The following CDH2 variants were observed in gnomAD, a reference collection of about 807,000 sequenced individuals.
The protein encoded by CDH2 is cadherin 2, also known as cadherin-2.
CDH2 carries 17 observed loss-of-function variants against 92.0 expected under a neutral mutation model. That is an observed-to-expected ratio of 0.18 (90% CI 0.13 to 0.28). The LOEUF (loss-of-function observed/expected upper bound fraction) is 0.28. Ranked by LOEUF, CDH2 falls within the 10% of genes least tolerant of loss-of-function variation. CDH2 has a pLI of 1.00. For missense variants in CDH2, 862 were observed against 1,133.1 expected, an observed-to-expected ratio of 0.76 and a Z score of 3.44; for synonymous variants, 419 against 415.9, an observed-to-expected ratio of 1.01 and a Z score of -0.09.
At chr18:28,159,597 G>A (rs1376548078) in intron 1 of CDH2, among the ~76,000 whole-genome samples, 1 of 151,948 alleles carries the variant, frequency 6.6e-6, no homozygotes, top group African/African-American at 2.4e-5. Flanking sequence ...AGTACTCATG[G>A]AGGAACTTGG....
chr18:28,043,491 T>TAA (rs1435952607), intron 2 of CDH2, among the ~76,000 whole-genome samples: 3 of 72,294 alleles, frequency 4.1e-5, no homozygotes, highest in South Asian at 1.2e-3. Context: ...TATATATATA[T>TAA]ATAAATATAT....
At chr18:27,985,375 G>T in intron 12 of CDH2, 142 bp from the exon 13 acceptor site, 2 of 758,746 alleles carry the variant, frequency 2.6e-6, no homozygotes, top group South Asian at 1.9e-5. Context: ...ATACTTTTTT[G>T]GCCGTAAAGG....
chr18:27,987,798 T>C (rs571202629), intron 11 of CDH2, among the ~76,000 whole-genome samples: 3 of 152,212 alleles, frequency 2.0e-5, no homozygotes, highest in African/African-American at 4.8e-5. Flanking sequence ...GAAACAGATA[T>C]ATTTAAAACC....
chr18:28,099,983 G>C (rs1046347495), intron 2 of CDH2, among the ~76,000 whole-genome samples: 1 of 151,972 alleles, frequency 6.6e-6, no homozygotes, highest in African/African-American at 2.4e-5. Context: ...ACTTAAGTTT[G>C]TTTAATTTCT....
chr18:27,985,854 C>A, intron 11 of CDH2, 93 bp from the exon 12 acceptor site: 1 of 748,098 alleles, frequency 1.3e-6, no homozygotes, highest in Non-Finnish European at 2.2e-6. Flanking sequence ...AACCTTCTGG[C>A]CCTTTTAACT....
intron 3 of CDH2, among the ~76,000 whole-genome samples, chr18:28,013,243 C>G (rs1170973672): frequency 6.6e-6 from 1 of 151,928 alleles, no homozygotes; most frequent in Non-Finnish European, 1.5e-5. Flanking sequence ...TAATTCATAC[C>G]CCCCAACTGG....
chr18:28,079,565 T>C (rs2144187063), intron 2 of CDH2, among the ~76,000 whole-genome samples: 1 of 152,330 alleles, frequency 6.6e-6, no homozygotes, highest in Admixed American at 6.5e-5. Context: ...CTTTGCAGGA[T>C]AAATTTATTT....
chr18:27,989,575 C>A (rs1303573795), intron 10 of CDH2, among the ~76,000 whole-genome samples: 1 of 152,122 alleles, frequency 6.6e-6, no homozygotes, highest in East Asian at 1.9e-4. Context: ...TGGCAACCAT[C>A]CACTCCCTCA....
At chr18:28,012,077 A>C in intron 3 of CDH2, 85 bp from the exon 4 acceptor site, 4 of 1,137,018 alleles carry the variant, frequency 3.5e-6, no homozygotes, top group Non-Finnish European at 5.0e-6. Context: ...ACCTGAAAGC[A>C]TAGGAATCAC....
chr18:28,031,761 T>A (rs568827692), intron 2 of CDH2, among the ~76,000 whole-genome samples: 1 of 152,234 alleles, frequency 6.6e-6, no homozygotes, highest in Admixed American at 6.5e-5. Context: ...AATAAGAGAT[T>A]AGGCTCATTT....
chr18:28,082,054 C>A (rs528422401), intron 2 of CDH2, among the ~76,000 whole-genome samples: 1 of 152,166 alleles, frequency 6.6e-6, no homozygotes, highest in African/African-American at 2.4e-5. Context: ...TACTGAGAAT[C>A]TTTTTGTGAA....
At chr18:28,054,952 T>A (rs1454494719) in intron 2 of CDH2, among the ~76,000 whole-genome samples, 1 of 152,176 alleles carries the variant, frequency 6.6e-6, no homozygotes, top group African/African-American at 2.4e-5. Flanking sequence ...TATAAAGAAA[T>A]CTCAATTTGT....
At chr18:27,969,673 T>A (rs2011609834) in intron 14 of CDH2, among the ~76,000 whole-genome samples, 1 of 152,254 alleles carries the variant, frequency 6.6e-6, no homozygotes. Context: ...TTTACTCTAA[T>A]GTCTTTTAAA....
Position 27,952,002 on chromosome 18 carries a change from C to A in CDH2, c.*151G>T. ...ACAGTATGGATCACTGATATTCCCT[C>A]TGAGCCCAAATTGGTTTGCAGCCTA... is the stretch of plus-strand genomic sequence containing the variant. On this transcript the variant is annotated 3_prime_UTR_variant, in exon 16 of 16. Coordinates refer to ENST00000269141, the MANE Select transcript of CDH2 (RefSeq NM_001792.5). 1.5e-6 allele frequency: 1 copy of A among 663,008 alleles called. No homozygotes were observed. The highest frequency in any genetic ancestry group is 2.7e-6 in the Non-Finnish European group (1 of 375,420). The allele number at this position is 663,008 out of a possible 1,614,324, so 41.1% of individuals were successfully genotyped here.
Position 27,975,594 on chromosome 18 carries a change from C to T in CDH2, c.2349+7350G>A, listed in dbSNP as rs371624561. On this transcript the variant is annotated intron_variant, in intron 14 of 15. Transcript: ENST00000269141. ...TGGGGTGCCTGCCACCCCAAGGCCC[C>T]AGAGGGCGTGTTACAATGCTCTCAT... Among the ~76,000 whole-genome samples, 35 of 152,344 alleles carry T rather than the reference C, an allele frequency of 2.3e-4. 1 individual carries two copies. The highest frequency in any genetic ancestry group is 8.2e-4 in the African/African-American group (34 of 41,584).
At chr18:27,975,232 T>C (rs909565959) in intron 14 of CDH2, among the ~76,000 whole-genome samples, 1 of 152,156 alleles carries the variant, frequency 6.6e-6, no homozygotes, top group Middle Eastern at 3.2e-3. Flanking sequence ...TGAGACATGG[T>C]GGATCACAAG....
intron 2 of CDH2, among the ~76,000 whole-genome samples, chr18:28,133,987 C>T (rs1466582031): frequency 6.6e-6 from 1 of 151,934 alleles, no homozygotes; most frequent in East Asian, 1.9e-4. Context: ...AGCAAGACCT[C>T]ATCTCTAAAA....
intron 1 of CDH2, among the ~76,000 whole-genome samples, chr18:28,148,313 A>G (rs111844054): frequency 5.3e-5 from 8 of 152,204 alleles, no homozygotes; most frequent in African/African-American, 1.4e-4. Context: ...ACCAATCAAA[A>G]CTATATATTT....
intron 1 of CDH2, among the ~76,000 whole-genome samples, chr18:28,166,988 C>T (rs557467765): frequency 2.0e-5 from 3 of 152,166 alleles, no homozygotes; most frequent in South Asian, 4.1e-4. Flanking sequence ...CGGATACACA[C>T]AGTGTGTGGA....
Sources: allele counts gnomAD v4.1 joint callset (sites outside exome capture counted in the v4.1 genomes callset), GRCh38; gene constraint gnomAD v4.1.1; transcripts MANE v1.5; gene names NCBI Gene and HGNC (gene_info 2026-07-23, HGNC 2026-07-21).